The following ADGRL2 variants were observed in gnomAD, a reference collection of about 807,000 sequenced individuals.
ADGRL2 encodes calcium-independent alpha-latrotoxin receptor 2.
ADGRL2 carries 44 observed loss-of-function variants against 157.4 expected under a neutral mutation model. The observed-to-expected ratio is 0.28, with a 90% CI of 0.22 to 0.36. The LOEUF is 0.36. Ranked by LOEUF, ADGRL2 falls within the 10% of genes least tolerant of loss-of-function variation. The pLI is 1.00. For missense variants in ADGRL2, 1,510 were observed against 1,768.9 expected, an observed-to-expected ratio of 0.85 and a Z score of 2.63; for synonymous variants, 585 against 624.7, an observed-to-expected ratio of 0.94 and a Z score of 0.95.
Position 81,970,346 on chromosome 1 carries a change from C to G in ADGRL2, c.2766C>G (p.His922Gln), listed in dbSNP as rs779978389. 6.2e-7 allele frequency: 1 copy of G among 1,601,182 alleles called. No individual in the cohort carries two copies. Among genetic ancestry groups the G allele is most frequent in the Non-Finnish European group, 8.5e-7 (1 of 1,176,506 alleles). Residue 922 changes from histidine to glutamine, a missense_variant, in exon 16 of 24, where the codon CAC (histidine) becomes CAG (glutamine). His to Gln is a conservative substitution (Grantham distance 24, BLOSUM62 0). Coordinates refer to ENST00000686636, the MANE Select transcript of ADGRL2 (RefSeq NM_001366006.2). ...GCCCAATATTTGCAGGACTTCTACA[C>G]TTTTTCTTTTTGGCAGCTTTTGCTT... ...IACPIFAGLL[H>Q]FFFLAAFAWM...
At chr1:81,512,431 A>G (rs578037049) in intron 2 of ADGRL2, among the ~76,000 whole-genome samples, 10 of 152,292 alleles carry the variant, frequency 6.6e-5, no homozygotes, top group African/African-American at 2.4e-4. Context: ...TAACGTCAGC[A>G]GTTCTGTGTA....
intron 3 of ADGRL2, among the ~76,000 whole-genome samples, chr1:81,916,390 A>G (rs1013832070): frequency 6.6e-6 from 1 of 152,190 alleles, no homozygotes; most frequent in African/African-American, 2.4e-5. Flanking sequence ...ATGTTCAGTT[A>G]CAGTTGTAAA....
intron 3 of ADGRL2, among the ~76,000 whole-genome samples, chr1:81,919,160 G>C (rs919376802): frequency 6.6e-6 from 1 of 152,076 alleles, no homozygotes; most frequent in African/African-American, 2.4e-5. Flanking sequence ...TTTGGGAGAA[G>C]AGAGACTGAA....
chr1:81,732,800 AT>A (rs2084769173), intron 1 of ADGRL2, among the ~76,000 whole-genome samples: 1 of 152,322 alleles, frequency 6.6e-6, no homozygotes, highest in Admixed American at 6.5e-5. Flanking sequence ...ATGGAATACC[AT>A]ATATATGTCT....
rs527787731 is a variant in ADGRL2 at position 81,466,446 on chromosome 1, C to T, written c.-248+21357C>T. On this transcript the variant is annotated intron_variant, in intron 2 of 24. Transcript: ENST00000370721. ...TCTCATAATGCCCAGCTTGACCCTG[C>T]TCCAGTGACTGCCCTGCACATATCC... 1.5e-3 allele frequency among the ~76,000 whole-genome samples: 232 copies of T among 152,262 alleles called. 3 individuals carry two copies. The highest frequency in any genetic ancestry group is 5.3e-3 in the African/African-American group (221 of 41,550).
chr1:81,567,592 G>C (rs2080592097), intron 2 of ADGRL2, among the ~76,000 whole-genome samples: 2 of 152,124 alleles, frequency 1.3e-5, no homozygotes, highest in South Asian at 4.2e-4. Context: ...AAAGTTACAA[G>C]AAAATTAGGG....
At chr1:81,715,406 A>C (rs1401819858) in intron 1 of ADGRL2, among the ~76,000 whole-genome samples, 2 of 152,172 alleles carry the variant, frequency 1.3e-5, no homozygotes, top group African/African-American at 4.8e-5. Context: ...GAGAAAAAGC[A>C]CCAGCTCAAA....
chr1:81,313,499 C>G (rs1421014101), intron 1 of ADGRL2, among the ~76,000 whole-genome samples: 3 of 152,168 alleles, frequency 2.0e-5, no homozygotes, highest in Non-Finnish European at 2.9e-5. Flanking sequence ...CCTGTCTGCT[C>G]TTAGCCACTC....
intron 1 of ADGRL2, among the ~76,000 whole-genome samples, chr1:81,710,233 T>C (rs1298156002): frequency 6.6e-6 from 1 of 152,190 alleles, no homozygotes; most frequent in African/African-American, 2.4e-5. Flanking sequence ...TCTCAGGTAC[T>C]CTGGACAGAA....
At chr1:81,614,919 G>A (rs1011475858) in intron 3 of ADGRL2, among the ~76,000 whole-genome samples, 6 of 152,092 alleles carry the variant, frequency 3.9e-5, no homozygotes, top group Admixed American at 1.3e-4. Context: ...AGGCTGAAGC[G>A]GGAGGATTAC....
At chr1:81,859,784 T>C (rs1322035569) in intron 2 of ADGRL2, among the ~76,000 whole-genome samples, 1 of 152,206 alleles carries the variant, frequency 6.6e-6, no homozygotes, top group East Asian at 1.9e-4. Flanking sequence ...GTGAGGCTTT[T>C]TAAAATAAAA....
At chr1:81,368,595 G>A (rs781407083) in intron 1 of ADGRL2, among the ~76,000 whole-genome samples, 28 of 152,254 alleles carry the variant, frequency 1.8e-4, no homozygotes, top group Non-Finnish European at 3.2e-4. Context: ...TCTGTGCCAC[G>A]TATGAGATAA....
At chr1:81,541,452 C>T (rs140702865) in intron 2 of ADGRL2, among the ~76,000 whole-genome samples, 34 of 152,264 alleles carry the variant, frequency 2.2e-4, no homozygotes, top group East Asian at 5.8e-4. Context: ...ATCTCACTCA[C>T]GCCTGCCTAC....
At chr1:81,777,012 AATC>A (rs1399334096) in intron 2 of ADGRL2, among the ~76,000 whole-genome samples, 2 of 152,200 alleles carry the variant, frequency 1.3e-5, no homozygotes, top group African/African-American at 2.4e-5. Context: ...ACTCTGATAT[AATC>A]ATCAAATATA....
At chr1:81,921,319 C>A (rs1218615656) in intron 3 of ADGRL2, among the ~76,000 whole-genome samples, 1 of 152,156 alleles carries the variant, frequency 6.6e-6, no homozygotes, top group African/African-American at 2.4e-5. Flanking sequence ...TACTATAAAA[C>A]ATGCCACCTC....
chr1:81,971,809 T>A (rs1355575731), intron 16 of ADGRL2, 43 bp from the exon 17 acceptor site: 15 of 1,033,494 alleles, frequency 1.5e-5, no homozygotes, highest in Non-Finnish European at 2.1e-5. Context: ...ATGTTGAGGT[T>A]CCATAGAAAC....
At chr1:81,513,053 A>AT (rs1188034926) in intron 2 of ADGRL2, among the ~76,000 whole-genome samples, 1 of 152,154 alleles carries the variant, frequency 6.6e-6, no homozygotes, top group African/African-American at 2.4e-5. Context: ...ATAAATGTAT[A>AT]TTTTTTATAT....
rs1440547504 is a variant in ADGRL2, at chr1:81,503,049, G to A, written c.-248+57960G>A. The A allele has an allele frequency of 2.7e-5, 43 of 1,611,150 alleles. 1 individual carries two copies. The highest frequency in any genetic ancestry group is 6.6e-5 in the South Asian group (6 of 90,880). ...AGGCTGGTACTCGGACCGCCGCACT[G>A]GAGCAGCTGCGGGAGCGGCTGGAGT... On this transcript the variant is annotated intron_variant, in intron 2 of 24. Coordinates refer to the ADGRL2 transcript ENST00000370721.
chr1:81,313,818 T>C (rs1460357656), intron 1 of ADGRL2, among the ~76,000 whole-genome samples: 1 of 152,190 alleles, frequency 6.6e-6, no homozygotes, highest in African/African-American at 2.4e-5. Flanking sequence ...ATGAATTCCT[T>C]AAACACAGAC....
Sources: gnomAD v4.1 joint callset for allele counts (sites outside exome capture counted in the v4.1 genomes callset) on GRCh38, gnomAD v4.1.1 for gene constraint, MANE v1.5 for transcripts, NCBI Gene and HGNC (gene_info 2026-07-23, HGNC 2026-07-21) for gene names.